Variants in PIK3C2A observed in about 807,000 individuals in gnomAD.
The protein encoded by PIK3C2A is phosphatidylinositol 4-phosphate 3-kinase C2 domain-containing subunit alpha.
A neutral mutation model predicts 204.5 loss-of-function variants in PIK3C2A; 97 were observed. The observed-to-expected ratio is 0.47, with a 90% CI of 0.40 to 0.56. The LOEUF is 0.56. Among genes scored for constraint, PIK3C2A ranks in the 20% least tolerant of loss-of-function variants. The pLI, the probability that PIK3C2A is intolerant of heterozygous loss-of-function variation, is 0.00. For synonymous variants in PIK3C2A, 653 were observed against 664.4 expected (o/e 0.98, Z 0.26); for missense variants, 1,735 against 1,969.2 (o/e 0.88, Z 2.25).
intron 20 of PIK3C2A, among the ~76,000 whole-genome samples, chr11:17,113,487 T>A (rs200316995): frequency 1.3e-5 from 2 of 152,068 alleles, no homozygotes; most frequent in African/African-American, 4.8e-5. Context: ...TTAGCAATGA[T>A]CAAATCTTAC....
chr11:17,200,566 A>T (rs1852330841), intron 1 of PIK3C2A, among the ~76,000 whole-genome samples: 1 of 152,210 alleles, frequency 6.6e-6, no homozygotes, highest in South Asian at 2.1e-4. Flanking sequence ...AGGGATAAAA[A>T]ACAAATGAGC....
At chr11:17,163,873 T>C (rs1344292871) in intron 2 of PIK3C2A, among the ~76,000 whole-genome samples, 1 of 151,074 alleles carries the variant, frequency 6.6e-6, no homozygotes, top group African/African-American at 2.4e-5. Context: ...ACTTCCTGAA[T>C]TGGTTTGAAA....
Position 17,096,450 on chromosome 11 carries a change from G to A in PIK3C2A, c.4326+607C>T, listed in dbSNP as rs182223437. On this transcript the variant is annotated intron_variant, in intron 27 of 32. Coordinates refer to ENST00000691414, the MANE Select transcript of PIK3C2A (RefSeq NM_002645.4). The stretch of plus-strand genomic sequence containing the variant: ...TTGGGGATATATATATAAACTTAAA[G>A]GTAGTAGTATATATTGGGGAGAGAA... Among the ~76,000 whole-genome samples, 603 of 152,238 alleles carry A rather than the reference G, an allele frequency of 4.0e-3. 2 individuals carry two copies. The highest frequency in any genetic ancestry group is 0.013 in the African/African-American group (552 of 41,526).
chr11:17,155,386 C>CT, intron 3 of PIK3C2A, 140 bp downstream of exon 3: 1 of 538,674 alleles, frequency 1.9e-6, no homozygotes, highest in African/African-American at 1.9e-5. Context: ...TTTGTGATAA[C>CT]GTGCCAATTA....
In PIK3C2A at chr11:17,104,841, G is replaced by C. The variant is rs181771738; in HGVS notation, c.3681+328C>G. 7.0e-4 allele frequency among the ~76,000 whole-genome samples: 106 copies of C among 151,580 alleles called. 2 individuals carry two copies. The highest frequency in any genetic ancestry group is 3.4e-3 in the Middle Eastern group (1 of 294). The stretch of plus-strand genomic sequence containing the variant: ...TAATTTATGTTCTTAACTACCACAT[G>C]ATGCAGCCCATTTTACTCATTTCCC... On this transcript the variant is annotated intron_variant, in intron 23 of 32. Transcript: ENST00000691414.
chr11:17,109,379 GAAT>G (rs1481220425), intron 22 of PIK3C2A, among the ~76,000 whole-genome samples: 1 of 152,120 alleles, frequency 6.6e-6, no homozygotes, highest in Non-Finnish European at 1.5e-5. Flanking sequence ...TGTTGAATAA[GAAT>G]AATGATGGCT....
At chr11:17,102,298 G>A (rs566137851) in intron 24 of PIK3C2A, among the ~76,000 whole-genome samples, 16 of 152,200 alleles carry the variant, frequency 1.1e-4, no homozygotes, top group East Asian at 7.8e-4. Flanking sequence ...TTAGCCGGGC[G>A]TGGTGGCGGG....
rs200158131 is a variant in PIK3C2A, at chr11:17,112,553, A to C, written c.3414+21T>G. Reference sequence around the variant, plus strand: ...AAAATTTCTAAATTGCCATTAAAAAACAGTAACATTATTTACTCACCTTAA... The same window carrying C: ...AAAATTTCTAAATTGCCATTAAAAACCAGTAACATTATTTACTCACCTTAA... On this transcript the variant is annotated intron_variant, in intron 21 of 32. Coordinates refer to ENST00000691414, the MANE Select transcript of PIK3C2A (RefSeq NM_002645.4). 1.7e-4 allele frequency: 203 copies of C among 1,181,708 alleles called. 1 individual carries two copies. In the African/African-American group the frequency reaches 2.8e-3, roughly 16 times the overall value. 73.2% of individuals were successfully genotyped at this position (1,181,708 alleles called of 1,614,324 possible). A position where few individuals can be genotyped will look rare whatever the true frequency, so the allele number is the denominator to read the frequency against.
chr11:17,190,318 C>T (rs905971158), intron 1 of PIK3C2A, among the ~76,000 whole-genome samples: 13 of 151,770 alleles, frequency 8.6e-5, no homozygotes, highest in African/African-American at 2.7e-4. Flanking sequence ...TGGCTCACAC[C>T]TGTAATCCCA....
At chr11:17,181,772 G>A (rs1032602436) in intron 1 of PIK3C2A, among the ~76,000 whole-genome samples, 2 of 150,792 alleles carry the variant, frequency 1.3e-5, no homozygotes, top group Non-Finnish European at 2.9e-5. Context: ...TTACATTATG[G>A]CAAAACTGTG....
Position 17,112,624 on chromosome 11 carries a change from T to C in PIK3C2A, c.3364A>G (p.Thr1122Ala). ...CCCATAGGGTCAGCATTCACCATTG[T>C]GACTTTTAGGGGGACAGCATTAGAA... Reference protein sequence around the residue: ...FSSNAVPLKVTMVNADPMGEE... With the variant: ...FSSNAVPLKVAMVNADPMGEE... Residue 1122 changes from threonine to alanine, a missense_variant, in exon 21 of 33, where the codon ACA becomes GCA. By Grantham distance (58) the Thr-to-Ala change is moderately conservative. Transcript: ENST00000691414. 1 of 1,562,470 alleles carries C rather than the reference T, an allele frequency of 6.4e-7. No homozygotes were observed. Among genetic ancestry groups the C allele is most frequent in the Non-Finnish European group, 8.7e-7 (1 of 1,149,242 alleles).
chr11:17,188,937 G>A (rs1485698093), intron 1 of PIK3C2A, among the ~76,000 whole-genome samples: 2 of 146,934 alleles, frequency 1.4e-5, no homozygotes, highest in African/African-American at 2.7e-5. Flanking sequence ...CCCTCCTGAG[G>A]CAAGGGTAAG....
intron 1 of PIK3C2A, among the ~76,000 whole-genome samples, chr11:17,175,099 T>A (rs1371711053): frequency 6.6e-6 from 1 of 152,148 alleles, no homozygotes; most frequent in Non-Finnish European, 1.5e-5. Flanking sequence ...TTACAATAAT[T>A]TATTCACAGG....
intron 8 of PIK3C2A, among the ~76,000 whole-genome samples, chr11:17,141,016 C>G (rs1565269480): frequency 6.6e-6 from 1 of 151,972 alleles, no homozygotes; most frequent in Non-Finnish European, 1.5e-5. Flanking sequence ...GGGAACATAA[C>G]TGGCAGATAA....
In PIK3C2A at chr11:17,087,252, G is replaced by A. The variant is rs1848184005; in HGVS notation, c.*2486C>T. ...TTTTTTTAGATTTACTTTAATGTCA[G>A]CTTTTAAAAAATGCTTAAAAATCCA... On this transcript the variant is annotated 3_prime_UTR_variant, in exon 33 of 33. Coordinates refer to ENST00000691414, the MANE Select transcript of PIK3C2A (RefSeq NM_002645.4). 1 of 152,082 alleles carries A rather than the reference G, an allele frequency of 6.6e-6. No individual in the cohort carries two copies. Among genetic ancestry groups the A allele is most frequent in the South Asian group, 2.1e-4 (1 of 4,834 alleles). 9.4% of individuals were successfully genotyped at this position (152,082 alleles called of 1,614,324 possible).
chr11:17,120,711 T>C (rs1849342258), intron 15 of PIK3C2A, among the ~76,000 whole-genome samples: 1 of 152,316 alleles, frequency 6.6e-6, no homozygotes. Context: ...TTTTTTCCTT[T>C]ATTTTCGTGG....
rs931220131 is a variant in PIK3C2A, at chr11:17,184,945, AT to A, written c.-65-15140del. Among the ~76,000 whole-genome samples the A allele has an allele frequency of 9.4e-3, 1,409 of 149,372 alleles. 28 individuals are homozygous for A. Among genetic ancestry groups the A allele is most frequent in the African/African-American group, 0.029 (1,192 of 40,862 alleles). On this transcript the variant is annotated intron_variant, in intron 1 of 32. Coordinates refer to ENST00000691414, the MANE Select transcript of PIK3C2A (RefSeq NM_002645.4). ...AACAGAGTGAGACTGTCTAAAAAAG[AT>A]TTTTTTTTTTAATTAAAAAGAAAAA...
In PIK3C2A at chr11:17,134,948, G is replaced by T; in HGVS notation, c.1979C>A (p.Ala660Glu). 5 of 1,613,988 alleles carry T rather than the reference G, an allele frequency of 3.1e-6. No homozygotes were observed. The highest frequency in any genetic ancestry group is 4.2e-6 in the Non-Finnish European group (5 of 1,179,906). The stretch of plus-strand genomic sequence containing the variant: ...GTCTGTAGGACTCCTACCAGAATTT[G>T]CATGGAGTCTGAGAAGATCATAAAT... ...AAIYDLLRLH[A>E]NSGRSPTDCA... The change falls in exon 11 of 33, where the codon GCA (alanine) becomes GAA (glutamate). Residue 660 changes from alanine (A) to glutamate (E), a missense_variant. Transcript: ENST00000691414.
At chr11:17,155,467 A>T in intron 3 of PIK3C2A, 59 bp downstream of exon 3, 1 of 886,170 alleles carries the variant, frequency 1.1e-6, no homozygotes, top group Non-Finnish European at 1.8e-6. Context: ...AATTATTAGC[A>T]CTAAACTGGT....
Sources: gnomAD v4.1 joint callset for allele counts (sites outside exome capture counted in the v4.1 genomes callset) on GRCh38, gnomAD v4.1.1 for gene constraint, MANE v1.5 for transcripts, NCBI Gene and HGNC (gene_info 2026-07-23, HGNC 2026-07-21) for gene names.